Variants in PRMT2 observed in about 807,000 individuals in gnomAD.
The protein encoded by PRMT2 is protein arginine methyltransferase 2.
Under a neutral mutation model 57.6 loss-of-function variants are expected in PRMT2, and 26 were observed. That is an observed-to-expected ratio of 0.45 (90% CI 0.33 to 0.63). PRMT2 has a LOEUF of 0.63. Among genes scored for constraint, PRMT2 ranks in the 20% least tolerant of loss-of-function variants. The pLI, the probability that PRMT2 is intolerant of heterozygous loss-of-function variation, is 0.02. For synonymous variants in PRMT2, 219 were observed against 220.0 expected (o/e 1.00, Z 0.04); for missense variants, 472 against 564.4 (o/e 0.84, Z 1.66).
At chr21:46,655,469 T>G (rs2061528051) in intron 7 of PRMT2, among the ~76,000 whole-genome samples, 1 of 152,074 alleles carries the variant, frequency 6.6e-6, no homozygotes, top group Admixed American at 6.5e-5. Context: ...CATGATTATA[T>G]CAATACAGAA....
intron 10 of PRMT2, among the ~76,000 whole-genome samples, chr21:46,662,646 G>C (rs1031789691): frequency 2.0e-5 from 3 of 152,172 alleles, no homozygotes; most frequent in Admixed American, 6.5e-5. Flanking sequence ...TGGGGCACAG[G>C]CTGGGGTGAG....
At chr21:46,650,882 T>C (rs2061439643) in intron 7 of PRMT2, among the ~76,000 whole-genome samples, 1 of 152,150 alleles carries the variant, frequency 6.6e-6, no homozygotes, top group South Asian at 2.1e-4. Context: ...GGCTGCCCAG[T>C]GGCCGGATTG....
At chr21:46,663,279 G>A (rs985190872) in intron 10 of PRMT2, 104 bp from the exon 11 acceptor site, 2 of 1,139,022 alleles carry the variant, frequency 1.8e-6, no homozygotes, top group Non-Finnish European at 2.5e-6. Context: ...CTGTGTGGGT[G>A]CTGTTGGGGG....
At chr21:46,641,660 C>T (rs1234348557) in intron 3 of PRMT2, among the ~76,000 whole-genome samples, 1 of 151,942 alleles carries the variant, frequency 6.6e-6, no homozygotes, top group Non-Finnish European at 1.5e-5. Flanking sequence ...CCACTGCACT[C>T]CAGCCTAGGC....
At chr21:46,660,504 ATGAGGGG>A (rs1229962073) in intron 8 of PRMT2, among the ~76,000 whole-genome samples, 3 of 152,246 alleles carry the variant, frequency 2.0e-5, no homozygotes, top group African/African-American at 7.2e-5. Context: ...CCTCTGGGTT[ATGAGGGG>A]TGAGCGTTGG....
chr21:46,660,911 G>A lies in PRMT2; in HGVS notation c.909G>A (p.Pro303=). The A allele has an allele frequency of 6.2e-7, 1 of 1,612,944 alleles. No individual in the cohort carries two copies. Among genetic ancestry groups the A allele is most frequent in the Non-Finnish European group, 8.5e-7 (1 of 1,179,120 alleles). The change falls in exon 9 of 12, where the codon CCG becomes CCA. Residue 303 remains proline (P), a synonymous_variant. Transcript: ENST00000355680. ...AACCAGAAGACTGTCTCTCTGAACC[G>A]TGCACTATATTGCAGTTGGACATGA... ...ILKPEDCLSE[P]CTILQLDMRT...
intron 7 of PRMT2, chr21:46,653,718 C>T: frequency 8.0e-7 from 1 of 1,252,166 alleles, no homozygotes; most frequent in South Asian, 1.4e-5. Context: ...CCCACACGCA[C>T]ACACACAAAA....
chr21:46,653,157 T>C, intron 7 of PRMT2: 1 of 985,440 alleles, frequency 1.0e-6, no homozygotes, highest in Non-Finnish European at 1.2e-6. Flanking sequence ...AACCACATTA[T>C]GACGAATTTT....
chr21:46,664,236 T>C, intron 11 of PRMT2, 59 bp from the exon 12 acceptor site: 2 of 1,381,158 alleles, frequency 1.4e-6, no homozygotes, highest in East Asian at 2.3e-5. Flanking sequence ...TTAGGAAATG[T>C]AGTATGTTAA....
At chr21:46,642,548 TA>T (rs1401929221) in intron 3 of PRMT2, among the ~76,000 whole-genome samples, 1 of 152,266 alleles carries the variant, frequency 6.6e-6, no homozygotes, top group Non-Finnish European at 1.5e-5. Context: ...CAGGAGGTTT[TA>T]ATTTTCTTCT....
chr21:46,654,777 C>T lies in PRMT2; in HGVS notation c.655-3968C>T, dbSNP rs9976545. ...GTGTGTAGCCTGTATGTAAAAACCA[C>T]GTTATTTTATATGGGGGACTTTAGC... is the stretch of plus-strand genomic sequence containing the variant. On this transcript the variant is annotated intron_variant, in intron 7 of 11. Transcript: ENST00000355680. 3.0e-3 allele frequency: 1,309 copies of T among 431,790 alleles called. 16 individuals are homozygous for T. Among genetic ancestry groups the T allele is most frequent in the African/African-American group, 0.026 (1,192 of 46,310 alleles). 26.7% of individuals were successfully genotyped at this position (431,790 alleles called of 1,614,324 possible).
At position 46,661,954 on chromosome 21, in the gene PRMT2, G is replaced by C; in HGVS notation, c.1097+18G>C. On this transcript the variant is annotated intron_variant, in intron 10 of 11. Transcript: ENST00000355680. The stretch of plus-strand genomic sequence containing the variant: ...TTCCACCCGTGAGTGTGCGGGGCGC[G>C]GGCACGGGGTGCGGGGTGGGGGGCA... 7.9e-7 allele frequency: 1 copy of C among 1,268,224 alleles called. No homozygotes were observed. Among genetic ancestry groups the C allele is most frequent in the Non-Finnish European group, 1.0e-6 (1 of 998,804 alleles). 78.6% of individuals were successfully genotyped at this position (1,268,224 alleles called of 1,614,324 possible).
intron 7 of PRMT2, chr21:46,652,268 C>T (rs1019409657): frequency 1.1e-4 from 144 of 1,329,920 alleles, no homozygotes; most frequent in Non-Finnish European, 1.3e-4. Flanking sequence ...AAAGGTTTTT[C>T]TAAGAACCAA....
Position 46,649,895 on chromosome 21 carries a change from C to T in PRMT2, c.654+156C>T. On this transcript the variant is annotated intron_variant, in intron 7 of 11. Coordinates refer to ENST00000355680, the MANE Select transcript of PRMT2 (RefSeq NM_206962.4). The surrounding 1 kb of genome is among the most constrained non-coding windows in gnomAD (Gnocchi z 4.8). The stretch of plus-strand genomic sequence containing the variant: ...AATTAATTTCTTGTGTGGACATTGG[C>T]TCAGTGTCTTGAATTTTCACCTGAT... The T allele has an allele frequency of 6.8e-7, 1 of 1,466,300 alleles. No individual in the cohort carries two copies. 90.8% of individuals were successfully genotyped at this position (1,466,300 alleles called of 1,614,324 possible).
intron 5 of PRMT2, among the ~76,000 whole-genome samples, chr21:46,647,831 G>A (rs371373541): frequency 3.3e-5 from 5 of 152,190 alleles, no homozygotes; most frequent in Non-Finnish European, 7.3e-5. Flanking sequence ...GAAACGGTGC[G>A]TTTGTCCTGC....
chr21:46,637,768 C>CAT (rs144488266), intron 3 of PRMT2, among the ~76,000 whole-genome samples: 15,868 of 151,364 alleles, frequency 0.1, 976 homozygotes, highest in African/African-American at 0.15. Flanking sequence ...TGTGTATATA[C>CAT]ATATATGTGT....
chr21:46,651,844 C>G (rs755858199), intron 7 of PRMT2: 8 of 1,612,910 alleles, frequency 5.0e-6, no homozygotes, highest in Non-Finnish European at 6.8e-6. Flanking sequence ...TCCCCTGCAC[C>G]TGTGCGTCTG....
Position 46,649,655 on chromosome 21 carries a change from C to T in PRMT2, c.570C>T (p.Thr190=), listed in dbSNP as rs2061419458. The change falls in exon 7 of 12, where the codon ACC becomes ACT. Residue 190 remains threonine (T), a synonymous_variant. Transcript: ENST00000355680. The surrounding 1 kb of genome is among the most constrained non-coding windows in gnomAD (Gnocchi z 4.8). ...VLQNGFADII[T]VYQQKVEDVV... is the part of the protein sequence containing the mutation. ...AGAACGGCTTTGCTGACATCATCAC[C>T]GTGTACCAGCAGAAGGTGGAGGATG... 5 of 1,614,050 alleles carry T rather than the reference C, an allele frequency of 3.1e-6. No individual in the cohort carries two copies. The highest frequency in any genetic ancestry group is 4.2e-6 in the Non-Finnish European group (5 of 1,180,028).
chr21:46,639,916 T>G (rs1392427657), intron 3 of PRMT2, among the ~76,000 whole-genome samples: 1 of 152,332 alleles, frequency 6.6e-6, no homozygotes, highest in South Asian at 2.1e-4. Context: ...TTTTGCTGTT[T>G]GTTTTATGTT....
Sources: allele counts gnomAD v4.1 joint callset (sites outside exome capture counted in the v4.1 genomes callset), GRCh38; gene constraint gnomAD v4.1.1; non-coding constraint Gnocchi (gnomAD v3.1); transcripts MANE v1.5; gene names NCBI Gene and HGNC (gene_info 2026-07-23, HGNC 2026-07-21).